Variants in CHP1 observed in about 807,000 individuals in gnomAD.
The protein encoded by CHP1 is calcineurin like EF-hand protein 1, also known as calcineurin B homologous protein 1.
A neutral mutation model predicts 27.4 loss-of-function variants in CHP1; 11 were observed. The observed-to-expected ratio is 0.40, with a 90% CI of 0.25 to 0.67. CHP1 has a LOEUF of 0.67. Ranked by LOEUF, CHP1 falls within the 30% of genes least tolerant of loss-of-function variation. The probability of loss-of-function intolerance (pLI) is 0.38; values close to 1 mark genes in which losing one functional copy is unlikely to be tolerated. For missense variants in CHP1, 169 were observed against 251.3 expected (o/e 0.67, Z 2.22); for synonymous variants, 89 against 87.4 (o/e 1.02, Z -0.10).
intron 2 of CHP1, among the ~76,000 whole-genome samples, chr15:41,253,627 T>C (rs1357100499): frequency 1.3e-5 from 2 of 151,652 alleles, no homozygotes; most frequent in Non-Finnish European, 2.9e-5. Flanking sequence ...GCTAATTTTT[T>C]GTTTTTTTAG....
chr15:41,237,962 A>G (rs1304279441), intron 1 of CHP1, among the ~76,000 whole-genome samples: 1 of 151,846 alleles, frequency 6.6e-6, no homozygotes, highest in Non-Finnish European at 1.5e-5. Context: ...CCCACCTCCC[A>G]AAAGTGCTAG....
At chr15:41,271,187 G>A (rs1345386933) in intron 5 of CHP1, among the ~76,000 whole-genome samples, 3 of 151,152 alleles carry the variant, frequency 2.0e-5, no homozygotes, top group African/African-American at 7.3e-5. Context: ...CCTGGGAGGC[G>A]GAGCTTGCAG....
At chr15:41,257,679 C>G (rs968772846) in intron 3 of CHP1, among the ~76,000 whole-genome samples, 18 of 152,110 alleles carry the variant, frequency 1.2e-4, no homozygotes, top group African/African-American at 4.1e-4. Flanking sequence ...CCTGCCTCAG[C>G]CTCCGAGATA....
In CHP1 at chr15:41,264,619, A is replaced by AT. The variant is rs2047451091; in HGVS notation, c.349+1742dup. ...CACCCAGCTAATTTTTTATTTTCTA[A>AT]TTTTTTGTAGGGACAGGGTCTCACT... is the stretch of plus-strand genomic sequence containing the variant. On this transcript the variant is annotated intron_variant, in intron 4 of 6. Coordinates refer to ENST00000334660, the MANE Select transcript of CHP1 (RefSeq NM_007236.5). Among the ~76,000 whole-genome samples the AT allele has an allele frequency of 3.3e-5, 5 of 151,780 alleles. No individual in the cohort carries two copies. The South Asian group carries it at 1.0e-3, about 32-fold the overall frequency.
intron 3 of CHP1, among the ~76,000 whole-genome samples, chr15:41,259,902 C>T (rs1490062457): frequency 1.3e-5 from 2 of 152,192 alleles, no homozygotes; most frequent in African/African-American, 2.4e-5. Context: ...TACAGGCTCA[C>T]GCCACCACGC....
intron 1 of CHP1, among the ~76,000 whole-genome samples, chr15:41,239,024 A>C (rs1039932053): frequency 5.3e-5 from 8 of 152,086 alleles, no homozygotes; most frequent in Non-Finnish European, 1.2e-4. Context: ...CTTCATTCAC[A>C]CCAGTTCCAG....
intron 3 of CHP1, among the ~76,000 whole-genome samples, chr15:41,258,604 G>A (rs1162248548): frequency 6.6e-6 from 1 of 152,104 alleles, no homozygotes; most frequent in Admixed American, 6.6e-5. Flanking sequence ...TGTTCTTAAT[G>A]TGGGTTTTTC....
intron 3 of CHP1, among the ~76,000 whole-genome samples, chr15:41,261,878 G>C (rs542897854): frequency 1.1e-4 from 16 of 152,070 alleles, no homozygotes; most frequent in African/African-American, 3.9e-4. Flanking sequence ...TGTAATCCCA[G>C]CTACTCCAGA....
chr15:41,251,792 G>T (rs1020274261), intron 2 of CHP1, among the ~76,000 whole-genome samples: 1 of 150,214 alleles, frequency 6.7e-6, no homozygotes, highest in African/African-American at 2.5e-5. Context: ...GCTGGGGATC[G>T]CTGCCAGCTG....
chr15:41,235,425 C>T (rs777849556), intron 1 of CHP1, among the ~76,000 whole-genome samples: 7 of 152,116 alleles, frequency 4.6e-5, no homozygotes, highest in Non-Finnish European at 7.4e-5. Context: ...ACTCAGGAGG[C>T]TGAGGTGGGA....
chr15:41,234,474 G>A (rs1026928724), intron 1 of CHP1, among the ~76,000 whole-genome samples: 3 of 152,066 alleles, frequency 2.0e-5, no homozygotes, highest in African/African-American at 7.2e-5. Context: ...CATAATTGAG[G>A]AATACTAAAT....
At chr15:41,246,345 G>T (rs2047334335) in intron 2 of CHP1, among the ~76,000 whole-genome samples, 2 of 151,038 alleles carry the variant, frequency 1.3e-5, no homozygotes, top group Non-Finnish European at 2.9e-5. Context: ...TTAAGATGGA[G>T]TTTCACTCTT....
intron 5 of CHP1, among the ~76,000 whole-genome samples, chr15:41,276,759 AT>A (rs2047521386): frequency 6.6e-6 from 1 of 152,214 alleles, no homozygotes; most frequent in East Asian, 1.9e-4. Context: ...AGAGGACGAC[AT>A]TTTGGGTGGG....
intron 5 of CHP1, among the ~76,000 whole-genome samples, chr15:41,275,261 G>A (rs377358388): frequency 2.6e-5 from 4 of 151,814 alleles, no homozygotes; most frequent in East Asian, 3.9e-4. Flanking sequence ...GGGTTCAAGC[G>A]ATTCTGCCTC....
chr15:41,256,810 G>C (rs1333631746), intron 2 of CHP1, 100 bp from the exon 3 acceptor site: 2 of 898,052 alleles, frequency 2.2e-6, no homozygotes, highest in Admixed American at 3.7e-5. Flanking sequence ...AATTCCAGGA[G>C]GTAATATTCT....
intron 2 of CHP1, among the ~76,000 whole-genome samples, chr15:41,252,180 CTT>C (rs796681229): frequency 2.1e-5 from 3 of 143,582 alleles, no homozygotes; most frequent in Admixed American, 6.9e-5. Flanking sequence ...ATTTTCTTTT[CTT>C]TTTTTTTTTT....
At chr15:41,232,208 ATTTT>A (rs541011609) in intron 1 of CHP1, among the ~76,000 whole-genome samples, 4 of 131,632 alleles carry the variant, frequency 3.0e-5, no homozygotes, top group African/African-American at 5.9e-5. Context: ...CTAGGAACTG[ATTTT>A]TTTTTTTTTT....
chr15:41,281,371 G>T lies in CHP1; in HGVS notation c.*1982G>T, dbSNP rs1378354161. On this transcript the variant is annotated 3_prime_UTR_variant, in exon 7 of 7. Coordinates refer to ENST00000334660, the MANE Select transcript of CHP1 (RefSeq NM_007236.5). ...AAGGTGGCATTACAGATCTTTGAGC[G>T]AGCCACAGCAACTTTTCTGCCAAGT... 1.3e-5 allele frequency: 2 copies of T among 152,600 alleles called. No homozygotes were observed. Among genetic ancestry groups the T allele is most frequent in the African/African-American group, 4.8e-5 (2 of 41,434 alleles). The allele number at this position is 152,600 out of a possible 1,614,324, so 9.5% of individuals were successfully genotyped here.
intron 1 of CHP1, among the ~76,000 whole-genome samples, chr15:41,238,038 T>G (rs942668369): frequency 6.6e-6 from 1 of 152,078 alleles, no homozygotes; most frequent in Non-Finnish European, 1.5e-5. Flanking sequence ...CTTTTTGTTT[T>G]TATTCTTTCC....
Sources: allele counts gnomAD v4.1 joint callset (sites outside exome capture counted in the v4.1 genomes callset), GRCh38; gene constraint gnomAD v4.1.1; transcripts MANE v1.5; gene names NCBI Gene and HGNC (gene_info 2026-07-23, HGNC 2026-07-21).